The following ZFPM1 variants were observed in gnomAD, a reference collection of about 807,000 sequenced individuals.
The protein encoded by ZFPM1 is zinc finger protein, FOG family member 1, also known as zinc finger protein ZFPM1.
A neutral mutation model predicts 46.3 loss-of-function variants in ZFPM1; 28 were observed. That is an observed-to-expected ratio of 0.60 (90% confidence interval 0.45 to 0.83). The LOEUF is 0.83. Ranked by LOEUF, ZFPM1 falls within the 40% of genes least tolerant of loss-of-function variation. ZFPM1 has a pLI of 0.00. For synonymous variants in ZFPM1, 957 were observed against 675.9 expected, an observed-to-expected ratio of 1.42 and a Z score of -6.45; for missense variants, 1,878 against 1,432.4, an observed-to-expected ratio of 1.31 and a Z score of -5.02.
chr16:88,481,247 C>A (rs1908922637), intron 1 of ZFPM1, among the ~76,000 whole-genome samples: 1 of 152,210 alleles, frequency 6.6e-6, no homozygotes, highest in Non-Finnish European at 1.5e-5. Context: ...CACCTCCAGG[C>A]AGGTGCAGCC....
At chr16:88,525,964 G>C (rs1237871577) in intron 4 of ZFPM1, among the ~76,000 whole-genome samples, 1 of 152,226 alleles carries the variant, frequency 6.6e-6, no homozygotes, top group African/African-American at 2.4e-5. Flanking sequence ...CGAGGCACTG[G>C]CATGAGCTCT....
chr16:88,462,892 C>T (rs1384818490), intron 1 of ZFPM1, among the ~76,000 whole-genome samples: 1 of 152,196 alleles, frequency 6.6e-6, no homozygotes, highest in Non-Finnish European at 1.5e-5. Context: ...AGCGATGCCA[C>T]CCAACACGGG....
chr16:88,475,514 G>C (rs1435984060), intron 1 of ZFPM1, among the ~76,000 whole-genome samples: 4 of 55,400 alleles, frequency 7.2e-5, no homozygotes, highest in African/African-American at 3.9e-4. Flanking sequence ...GCAGGGGTCC[G>C]GGGGGGGGAG....
intron 3 of ZFPM1, among the ~76,000 whole-genome samples, chr16:88,496,807 T>G (rs1031945428): frequency 6.6e-6 from 1 of 152,122 alleles, no homozygotes; most frequent in Non-Finnish European, 1.5e-5. Flanking sequence ...TCTCGACTCC[T>G]GGTATACAGG....
chr16:88,485,471 A>T (rs1909170445), intron 1 of ZFPM1, among the ~76,000 whole-genome samples: 1 of 145,568 alleles, frequency 6.9e-6, no homozygotes, highest in African/African-American at 2.6e-5. Flanking sequence ...CAGAGGTCTC[A>T]CTCTGTCACC....
intron 6 of ZFPM1, chr16:88,530,512 C>T (rs558394096): frequency 2.0e-5 from 3 of 152,328 alleles, no homozygotes; most frequent in South Asian, 4.1e-4. Flanking sequence ...CTGGAAGAGC[C>T]GCAGGAACCA....
In ZFPM1 at chr16:88,531,695, T is replaced by G. The variant is rs186906163; in HGVS notation, c.713-307T>G. On this transcript the variant is annotated intron_variant, in intron 6 of 9. Transcript: ENST00000319555. ...GCTAGCCTCACCTGGCGGTGTCCAC[T>G]TCTTCCTTCTGCCCCCATGAGGCCA... Among the ~76,000 whole-genome samples, 85 of 152,338 alleles carry G rather than the reference T, an allele frequency of 5.6e-4. No individual in the cohort carries two copies. In the Middle Eastern group the frequency reaches 0.017, roughly 30 times the overall value.
At position 88,534,556 on chromosome 16, in the gene ZFPM1, C is replaced by T; in HGVS notation, c.2598C>T (p.Arg866=). The T allele has an allele frequency of 1.5e-6, 2 of 1,345,152 alleles. No individual in the cohort carries two copies. The highest frequency in any genetic ancestry group is 1.9e-6 in the Non-Finnish European group (2 of 1,050,190). The allele number at this position is 1,345,152 out of a possible 1,614,324, so 83.3% of individuals were successfully genotyped here. The part of the protein sequence containing the change: ...CPYCPPNGPV[R]GDLLEHFRLA... Reference sequence around the variant, plus strand: ...ACTGCCCCCCGAACGGCCCGGTGCGCGGGGACCTGCTGGAGCATTTCCGCC... The same window carrying T: ...ACTGCCCCCCGAACGGCCCGGTGCGTGGGGACCTGCTGGAGCATTTCCGCC... The change falls in exon 10 of 10, where the codon CGC becomes CGT. Residue 866 remains arginine, a synonymous_variant. Transcript: ENST00000319555.
intron 1 of ZFPM1, among the ~76,000 whole-genome samples, chr16:88,483,394 A>C (rs1391956283): frequency 1.3e-5 from 2 of 151,840 alleles, no homozygotes; most frequent in African/African-American, 4.8e-5. Flanking sequence ...CTTGACTGCC[A>C]GCACACCCTG....
At position 88,528,156 on chromosome 16, in the gene ZFPM1, G is replaced by A. The variant is rs770247387; in HGVS notation, c.630G>A (p.Thr210=). The change falls in exon 6 of 10, where the codon ACG becomes ACA. Residue 210 remains threonine, a synonymous_variant. Transcript: ENST00000319555. ...HPVKKEPAEP[T]CPAPAHDLQL... Reference sequence around the variant, plus strand: ...TGAAGAAGGAGCCAGCAGAGCCCACGTGCCCGGCCCCTGCACACGACCTCC... The same window carrying A: ...TGAAGAAGGAGCCAGCAGAGCCCACATGCCCGGCCCCTGCACACGACCTCC... 2.7e-5 allele frequency: 43 copies of A among 1,608,340 alleles called. 1 individual carries two copies. Among genetic ancestry groups the A allele is most frequent in the African/African-American group, 1.2e-4 (9 of 74,808 alleles).
At position 88,533,276 on chromosome 16, in the gene ZFPM1, G is replaced by C. The variant is rs1434016508; in HGVS notation, c.1318G>C (p.Glu440Gln). Residue 440 changes from glutamate (E) to glutamine (Q), a missense_variant, in exon 10 of 10, where the codon GAG (glutamate) becomes CAG (glutamine). By Grantham distance (29) the Glu-to-Gln change is conservative. Coordinates refer to ENST00000319555, the MANE Select transcript of ZFPM1 (RefSeq NM_153813.3). ...GGCCCTGGCCGAGGCCACCAACGGA[G>C]AGGCCAGAGCGGAGCCTCTGGCCCA... ...RKALAEATNG[E>Q]ARAEPLAQNG... is the part of the protein sequence containing the mutation. 7.0e-7 allele frequency: 1 copy of C among 1,436,386 alleles called. No homozygotes were observed. Among genetic ancestry groups the C allele is most frequent in the East Asian group, 2.7e-5 (1 of 37,400 alleles). 89.0% of individuals were successfully genotyped at this position (1,436,386 alleles called of 1,614,324 possible). A position where few individuals can be genotyped will look rare whatever the true frequency, so the allele number is the denominator to read the frequency against.
At chr16:88,464,593 A>G (rs1908046502) in intron 1 of ZFPM1, among the ~76,000 whole-genome samples, 1 of 152,236 alleles carries the variant, frequency 6.6e-6, no homozygotes, top group African/African-American at 2.4e-5. Context: ...CCCAGAAAGC[A>G]GAGAGACCCC....
At chr16:88,504,735 C>T (rs927711516) in intron 3 of ZFPM1, among the ~76,000 whole-genome samples, 1 of 152,210 alleles carries the variant, frequency 6.6e-6, no homozygotes, top group African/African-American at 2.4e-5. Context: ...GACCACAGTC[C>T]CCAGAGAGCA....
chr16:88,531,259 T>C (rs1416067759), intron 6 of ZFPM1, among the ~76,000 whole-genome samples: 1 of 152,066 alleles, frequency 6.6e-6, no homozygotes, highest in Non-Finnish European at 1.5e-5. Context: ...GCAGAGAACA[T>C]TCCTTAAACT....
intron 1 of ZFPM1, among the ~76,000 whole-genome samples, chr16:88,458,681 G>A (rs1177471563): frequency 6.6e-6 from 1 of 152,110 alleles, no homozygotes; most frequent in Non-Finnish European, 1.5e-5. Flanking sequence ...GGCCACACTC[G>A]GGGCCCTGGT....
intron 3 of ZFPM1, among the ~76,000 whole-genome samples, chr16:88,505,510 A>T (rs1463721529): frequency 6.6e-6 from 1 of 152,186 alleles, no homozygotes; most frequent in Non-Finnish European, 1.5e-5. Flanking sequence ...TGGTGCCCTC[A>T]GGAGGTGGTG....
chr16:88,510,346 G>A (rs1336305871), intron 3 of ZFPM1, among the ~76,000 whole-genome samples: 1 of 152,216 alleles, frequency 6.6e-6, no homozygotes, highest in Non-Finnish European at 1.5e-5. Flanking sequence ...CACTCTGTGG[G>A]GTTGGCTCAG....
rs568124288 is a variant in ZFPM1 at position 88,458,806 on chromosome 16, C to T, written c.40+5128C>T. On this transcript the variant is annotated intron_variant, in intron 1 of 9. Coordinates refer to ENST00000319555, the MANE Select transcript of ZFPM1 (RefSeq NM_153813.3). ...AGGCTACAGCCACAGGTCTGCTCTCCAGACCTCGTCTGCCACCCTACACTC... is the reference window on the plus strand; with the variant it reads ...AGGCTACAGCCACAGGTCTGCTCTCTAGACCTCGTCTGCCACCCTACACTC... Among the ~76,000 whole-genome samples, 5 of 152,276 alleles carry T rather than the reference C, an allele frequency of 3.3e-5. No homozygotes were observed. In the South Asian group the frequency reaches 8.3e-4, roughly 25 times the overall value.
chr16:88,528,342 G>A (rs1912513790), intron 6 of ZFPM1, 104 bp downstream of exon 6: 2 of 1,283,268 alleles, frequency 1.6e-6, no homozygotes, highest in Non-Finnish European at 1.1e-6. Context: ...GGGGCTGCAG[G>A]CTGCCGACAG....
Sources: allele counts gnomAD v4.1 joint callset (sites outside exome capture counted in the v4.1 genomes callset), GRCh38; gene constraint gnomAD v4.1.1; transcripts MANE v1.5; gene names NCBI Gene and HGNC (gene_info 2026-07-23, HGNC 2026-07-21).